MACROD2: variants seen among roughly 807,000 people sequenced by gnomAD.
MACROD2 encodes the protein mono-ADP ribosylhydrolase 2.
A neutral mutation model predicts 70.4 loss-of-function variants in MACROD2; 36 were observed. The observed-to-expected ratio is 0.51, with a 90% confidence interval of 0.39 to 0.68. The LOEUF is 0.68. MACROD2 is among the 30% of genes least tolerant of loss of function. The probability of loss-of-function intolerance (pLI) is 0.00; values close to 1 mark genes in which losing one functional copy is unlikely to be tolerated. For missense variants in MACROD2, 496 were observed against 538.4 expected, an observed-to-expected ratio of 0.92 and a Z score of 0.78; for synonymous variants, 172 against 178.8, an observed-to-expected ratio of 0.96 and a Z score of 0.30.
intron 5 of MACROD2, among the ~76,000 whole-genome samples, chr20:14,999,294 A>AG (rs374212290): frequency 1.6e-4 from 24 of 152,360 alleles, no homozygotes; most frequent in African/African-American, 5.5e-4. Flanking sequence ...CATCTTCAGT[A>AG]GGAAGACTCA....
intron 3 of MACROD2, among the ~76,000 whole-genome samples, chr20:14,100,945 C>T (rs1221448413): frequency 6.7e-6 from 1 of 148,722 alleles, no homozygotes; most frequent in Non-Finnish European, 1.5e-5. Flanking sequence ...GACATCTTTA[C>T]CGTATTGTCC....
chr20:14,634,773 C>G (rs1450993645), intron 4 of MACROD2, among the ~76,000 whole-genome samples: 1 of 152,172 alleles, frequency 6.6e-6, no homozygotes, highest in Non-Finnish European at 1.5e-5. Flanking sequence ...AGTAAAAACC[C>G]TGGACCTGCT....
At chr20:15,939,114 G>A (rs2065711561) in intron 12 of MACROD2, among the ~76,000 whole-genome samples, 1 of 152,196 alleles carries the variant, frequency 6.6e-6, no homozygotes, top group Non-Finnish European at 1.5e-5. Context: ...AATGTGCAAG[G>A]TGAAGCAGCA....
At chr20:15,632,803 C>T (rs915779577) in intron 8 of MACROD2, among the ~76,000 whole-genome samples, 2 of 151,870 alleles carry the variant, frequency 1.3e-5, no homozygotes, top group Non-Finnish European at 2.9e-5. Context: ...CCCTCCTCCC[C>T]TGCTGTCCTC....
At chr20:14,734,007 G>A (rs1333734910) in intron 5 of MACROD2, among the ~76,000 whole-genome samples, 5 of 152,084 alleles carry the variant, frequency 3.3e-5, no homozygotes, top group South Asian at 4.1e-4. Context: ...ATCAGATACT[G>A]TATGTAGGCA....
At chr20:15,110,031 G>A (rs776691847) in intron 5 of MACROD2, among the ~76,000 whole-genome samples, 17 of 152,116 alleles carry the variant, frequency 1.1e-4, no homozygotes, top group Non-Finnish European at 2.4e-4. Context: ...CCCTTAGACT[G>A]TATGTAGTTG....
intron 15 of MACROD2, among the ~76,000 whole-genome samples, chr20:16,034,796 T>A (rs1197940030): frequency 6.6e-6 from 1 of 151,612 alleles, no homozygotes; most frequent in Non-Finnish European, 1.5e-5. Context: ...TATGTTGTCC[T>A]TTATCTCTTG....
intron 7 of MACROD2, among the ~76,000 whole-genome samples, chr20:15,443,406 A>C (rs571700383): frequency 2.0e-5 from 3 of 152,296 alleles, no homozygotes; most frequent in African/African-American, 7.2e-5. Context: ...ATAATAGTTC[A>C]TACCTGTTTC....
chr20:15,534,952 T>C (rs2047853595), intron 8 of MACROD2, among the ~76,000 whole-genome samples: 1 of 152,098 alleles, frequency 6.6e-6, no homozygotes, highest in Non-Finnish European at 1.5e-5. Flanking sequence ...TTTGACCGGA[T>C]TTATAAAATC....
At chr20:13,999,200 T>C (rs986740444) in intron 1 of MACROD2, among the ~76,000 whole-genome samples, 1 of 152,208 alleles carries the variant, frequency 6.6e-6, no homozygotes, top group Non-Finnish European at 1.5e-5. Flanking sequence ...AATTTCTTGG[T>C]GTCTTCAGGT....
chr20:14,233,594 G>A (rs1432122617), intron 3 of MACROD2, among the ~76,000 whole-genome samples: 2 of 150,914 alleles, frequency 1.3e-5, no homozygotes, highest in African/African-American at 2.4e-5. Context: ...CTACTCGGGA[G>A]GCTGAGGCAG....
At chr20:14,533,436 TTTAGA>T (rs2085329522) in intron 4 of MACROD2, among the ~76,000 whole-genome samples, 1 of 152,224 alleles carries the variant, frequency 6.6e-6, no homozygotes, top group Non-Finnish European at 1.5e-5. Context: ...ATTATACATT[TTTAGA>T]TTATTTCTTA....
chr20:14,403,321 A>G (rs1005095493), intron 3 of MACROD2, among the ~76,000 whole-genome samples: 1 of 152,136 alleles, frequency 6.6e-6, no homozygotes, highest in Non-Finnish European at 1.5e-5. Context: ...AAAATTGTTA[A>G]TTTTGACATT....
intron 16 of MACROD2, among the ~76,000 whole-genome samples, chr20:16,042,829 C>T (rs575573051): frequency 7.9e-5 from 12 of 152,156 alleles, no homozygotes; most frequent in Non-Finnish European, 1.5e-4. Context: ...GGGCAGTTTG[C>T]AGGTGAGAAC....
intron 3 of MACROD2, among the ~76,000 whole-genome samples, chr20:14,200,828 T>C (rs1450083022): frequency 6.6e-6 from 1 of 152,228 alleles, no homozygotes; most frequent in African/African-American, 2.4e-5. Context: ...TTGAACTTCC[T>C]CTTGTGTGAA....
intron 10 of MACROD2, among the ~76,000 whole-genome samples, chr20:15,898,865 T>C (rs767524485): frequency 1.3e-5 from 2 of 152,004 alleles, no homozygotes; most frequent in Non-Finnish European, 2.9e-5. Flanking sequence ...TACATATATA[T>C]GTAAATATAT....
At chr20:14,259,110 T>C (rs754391263) in intron 3 of MACROD2, among the ~76,000 whole-genome samples, 46 of 152,210 alleles carry the variant, frequency 3.0e-4, no homozygotes, top group Non-Finnish European at 6.8e-4. Context: ...GCCCAGCTAA[T>C]TTTTGTATTT....
chr20:14,128,059 C>A, intron 3 of MACROD2: 1 of 562,350 alleles, frequency 1.8e-6, no homozygotes, highest in South Asian at 1.4e-5. Context: ...AACCTGAAAC[C>A]TACAATGATG....
intron 8 of MACROD2, among the ~76,000 whole-genome samples, chr20:15,767,330 A>AT (rs1244603396): frequency 3.9e-5 from 6 of 152,234 alleles, no homozygotes; most frequent in Non-Finnish European, 8.8e-5. Context: ...CTAAGGTTGT[A>AT]TAGTCTGTGC....
Sources: allele counts gnomAD v4.1 joint callset (sites outside exome capture counted in the v4.1 genomes callset), GRCh38; gene constraint gnomAD v4.1.1; transcripts MANE v1.5; gene names NCBI Gene and HGNC (gene_info 2026-07-23, HGNC 2026-07-21).